The following WDR48 variants were observed in gnomAD, a reference collection of about 807,000 sequenced individuals.
WDR48 encodes the protein WD repeat domain 48.
A neutral mutation model predicts 94.0 loss-of-function variants in WDR48; 22 were observed. The observed-to-expected ratio is 0.23, with a 90% CI of 0.17 to 0.33. The LOEUF (loss-of-function observed/expected upper bound fraction) is 0.33, where lower values mean the gene tolerates loss of function less well. Ranked by LOEUF, WDR48 falls within the 10% of genes least tolerant of loss-of-function variation. The pLI is 1.00. For missense variants in WDR48, 541 were observed against 813.8 expected (o/e 0.66, Z 4.08); for synonymous variants, 278 against 280.5 (o/e 0.99, Z 0.09).
rs200785107 is a variant in WDR48 at position 39,063,324 on chromosome 3, C to T, written c.189+134C>T. On this transcript the variant is annotated intron_variant, in intron 2 of 18. Transcript: ENST00000302313. ...TATTTGGTACACTCTATAAAGACAT[C>T]GCAACCAGAATTCTGTAAGCCTCTG... The T allele has an allele frequency of 8.7e-5, 99 of 1,134,550 alleles. No homozygotes were observed. In the East Asian group the frequency reaches 2.5e-3, roughly 29 times the overall value. The allele number at this position is 1,134,550 out of a possible 1,614,324, so 70.3% of individuals were successfully genotyped here. A position where few individuals can be genotyped will look rare whatever the true frequency, so the allele number is the denominator to read the frequency against.
intron 13 of WDR48, among the ~76,000 whole-genome samples, chr3:39,085,158 C>T (rs1035689034): frequency 7.9e-5 from 12 of 151,570 alleles, no homozygotes; most frequent in African/African-American, 2.2e-4. Flanking sequence ...ACCCGGGAGG[C>T]GGAGCTTGCA....
chr3:39,094,285 T>C (rs2035229756), intron 18 of WDR48: 3 of 1,427,336 alleles, frequency 2.1e-6, no homozygotes, highest in African/African-American at 2.9e-5. Flanking sequence ...CTTTTTTTTC[T>C]GACAAGAAAA....
intron 5 of WDR48, among the ~76,000 whole-genome samples, chr3:39,068,490 A>C (rs1388567073): frequency 6.6e-6 from 1 of 152,192 alleles, no homozygotes; most frequent in Admixed American, 6.5e-5. Context: ...TTTCATATTT[A>C]TGGCACATGA....
chr3:39,083,690 C>T (rs2125675256), intron 11 of WDR48, among the ~76,000 whole-genome samples: 2 of 152,222 alleles, frequency 1.3e-5, no homozygotes, highest in African/African-American at 4.8e-5. Flanking sequence ...GGGAGAGTGG[C>T]AGGTTGCTAG....
intron 1 of WDR48, among the ~76,000 whole-genome samples, chr3:39,056,985 A>C (rs1355839409): frequency 2.0e-5 from 3 of 152,174 alleles, no homozygotes; most frequent in African/African-American, 7.2e-5. Context: ...TGAGAAAATA[A>C]AGGGGTGGGG....
At chr3:39,061,118 A>G (rs918197669) in intron 1 of WDR48, among the ~76,000 whole-genome samples, 14 of 152,214 alleles carry the variant, frequency 9.2e-5, no homozygotes, top group African/African-American at 3.1e-4. Flanking sequence ...TAATTATTAT[A>G]CTTCAAGTTC....
At chr3:39,056,616 C>T (rs2032905587) in intron 1 of WDR48, among the ~76,000 whole-genome samples, 1 of 152,128 alleles carries the variant, frequency 6.6e-6, no homozygotes, top group Non-Finnish European at 1.5e-5. Context: ...AACAGAATGG[C>T]ATTGAAATCA....
intron 6 of WDR48, 71 bp from the exon 7 acceptor site, chr3:39,069,571 AT>A: frequency 7.8e-7 from 1 of 1,289,594 alleles, no homozygotes. Context: ...CATTTGACTT[AT>A]GAGAGTTGTC....
At chr3:39,066,184 T>A (rs999739978) in intron 3 of WDR48, among the ~76,000 whole-genome samples, 2 of 152,376 alleles carry the variant, frequency 1.3e-5, no homozygotes, top group East Asian at 3.9e-4. Context: ...TCGTACTATA[T>A]GTATTCTTCT....
In WDR48 at chr3:39,092,365, T is replaced by C. The variant is rs998044581; in HGVS notation, c.1745+664T>C. 2.6e-5 allele frequency among the ~76,000 whole-genome samples: 4 copies of C among 152,146 alleles called. No individual in the cohort carries two copies. The East Asian group carries it at 7.7e-4, about 29-fold the overall frequency. The stretch of plus-strand genomic sequence containing the variant: ...CGTGGAATTTGAGTTGGACATGTAA[T>C]GATTGGTAGAACTTCAAAAGATAGA... On this transcript the variant is annotated intron_variant, in intron 17 of 18. Transcript: ENST00000302313.
intron 5 of WDR48, among the ~76,000 whole-genome samples, chr3:39,068,100 A>T (rs984913822): frequency 1.3e-5 from 2 of 152,136 alleles, no homozygotes; most frequent in Non-Finnish European, 2.9e-5. Flanking sequence ...TTTTTTTAAT[A>T]CATAATAATA....
chr3:39,075,559 G>C (rs2034179010), intron 8 of WDR48, among the ~76,000 whole-genome samples: 1 of 152,152 alleles, frequency 6.6e-6, no homozygotes, highest in Non-Finnish European at 1.5e-5. Flanking sequence ...AAGGGTTCTT[G>C]AGGAAGTCTT....
intron 11 of WDR48, among the ~76,000 whole-genome samples, chr3:39,083,711 A>AG (rs1354472564): frequency 6.6e-6 from 1 of 152,220 alleles, no homozygotes; most frequent in Non-Finnish European, 1.5e-5. Flanking sequence ...ATGGCAGTGA[A>AG]GGAAAGGTGT....
At chr3:39,087,990 C>T in intron 14 of WDR48, 138 bp from the exon 15 acceptor site, 9 of 726,808 alleles carry the variant, frequency 1.2e-5, no homozygotes, top group South Asian at 4.3e-5. Flanking sequence ...TGTTTTTAAC[C>T]TTTATTTCTA....
At chr3:39,060,330 C>A (rs2033172947) in intron 1 of WDR48, among the ~76,000 whole-genome samples, 1 of 151,842 alleles carries the variant, frequency 6.6e-6, no homozygotes, top group Non-Finnish European at 1.5e-5. Flanking sequence ...AAATATGTGG[C>A]CTTTTGTAAA....
chr3:39,083,996 A>T (rs2034672307), intron 11 of WDR48, among the ~76,000 whole-genome samples, 159 bp from the exon 12 acceptor site: 1 of 152,208 alleles, frequency 6.6e-6, no homozygotes, highest in African/African-American at 2.4e-5. Context: ...TTATAGCAGC[A>T]GATTGTTATT....
chr3:39,055,989 T>C (rs1427333826), intron 1 of WDR48, among the ~76,000 whole-genome samples: 1 of 152,262 alleles, frequency 6.6e-6, no homozygotes, highest in East Asian at 1.9e-4. Context: ...TTAATATTCG[T>C]TGAAAGAATT....
chr3:39,081,512 TG>T (rs1193571634), intron 11 of WDR48, among the ~76,000 whole-genome samples: 3 of 151,858 alleles, frequency 2.0e-5, no homozygotes, highest in African/African-American at 7.3e-5. Context: ...CTGTTGGGGG[TG>T]GGGGTAGAAA....
chr3:39,090,660 CT>C (rs1218091671), intron 16 of WDR48: 5 of 152,108 alleles, frequency 3.3e-5, no homozygotes, highest in African/African-American at 1.2e-4. Context: ...AAAATCTGTC[CT>C]TTTTCTACTT....
Sources: gnomAD v4.1 joint callset for allele counts (sites outside exome capture counted in the v4.1 genomes callset) on GRCh38, gnomAD v4.1.1 for gene constraint, MANE v1.5 for transcripts, NCBI Gene and HGNC (gene_info 2026-07-23, HGNC 2026-07-21) for gene names.